The following KLF8 variants were observed in gnomAD, a reference collection of about 807,000 sequenced individuals.
The protein encoded by KLF8 is Krueppel-like factor 8.
A neutral mutation model predicts 18.2 loss-of-function variants in KLF8; 10 were observed. The ratio of observed to expected loss-of-function variants is 0.55; its 90% CI spans 0.34 to 0.93. The LOEUF is 0.93. Among genes scored for constraint, KLF8 ranks in the 40% least tolerant of loss-of-function variants. The pLI, the probability that KLF8 is intolerant of heterozygous loss-of-function variation, is 0.02. For synonymous variants in KLF8, 109 were observed against 97.3 expected (o/e 1.12, Z -0.71); for missense variants, 264 against 277.9 (o/e 0.95, Z 0.36).
chrX:55,915,480 A>G, the KLF8 span, among the ~76,000 whole-genome samples: 4 of 112,029 alleles, frequency 3.6e-5, no homozygotes, highest in Non-Finnish European at 7.5e-5. Flanking sequence ...AAAGATAAAA[A>G]TAGATGAAAG....
chrX:56,178,651 A>G, the KLF8 span, among the ~76,000 whole-genome samples: 1 of 112,027 alleles, frequency 8.9e-6, no homozygotes, highest in Non-Finnish European at 1.9e-5. Context: ...ATCTTGAATT[A>G]ATTTTTGTAT....
the KLF8 span, among the ~76,000 whole-genome samples, chrX:56,093,903 ATATGTG>A: frequency 1.5e-4 from 12 of 77,756 alleles, no homozygotes; most frequent in South Asian, 6.1e-4. Context: ...CGTATATATT[ATATGTG>A]TGTGTGTGTG....
the KLF8 span, among the ~76,000 whole-genome samples, chrX:56,080,146 C>T: frequency 5.4e-5 from 6 of 110,287 alleles, no homozygotes; most frequent in African/African-American, 2.0e-4. Context: ...TAGTCCATTT[C>T]CATTTAAAGT....
At chrX:56,222,332 C>T in the KLF8 span, among the ~76,000 whole-genome samples, 1 of 110,444 alleles carries the variant, frequency 9.1e-6, no homozygotes, top group African/African-American at 3.3e-5. Context: ...CTTATCTAGA[C>T]ATAAAGATTC....
chrX:56,097,841 A>G, the KLF8 span, among the ~76,000 whole-genome samples: 10 of 108,652 alleles, frequency 9.2e-5, no homozygotes, highest in Non-Finnish European at 1.5e-4. Context: ...CCTACAGTTA[A>G]CATCATACAT....
At chrX:56,191,451 T>C in the KLF8 span, among the ~76,000 whole-genome samples, 1 of 111,842 alleles carries the variant, frequency 8.9e-6, no homozygotes, top group East Asian at 2.8e-4. Flanking sequence ...ACTTCCAAAC[T>C]TATTCCATGA....
the KLF8 span, among the ~76,000 whole-genome samples, chrX:56,154,264 C>A: frequency 9.1e-6 from 1 of 109,667 alleles, no homozygotes; most frequent in Non-Finnish European, 1.9e-5. Context: ...AGATATAGAC[C>A]AATGGAACAG....
At chrX:56,039,946 T>A in the KLF8 span, among the ~76,000 whole-genome samples, 2 of 111,703 alleles carry the variant, frequency 1.8e-5, no homozygotes, top group Non-Finnish European at 3.8e-5. Flanking sequence ...TTCACTTTTC[T>A]TGTTAGCTCT....
the KLF8 span, among the ~76,000 whole-genome samples, chrX:56,148,550 G>T: frequency 2.6e-4 from 29 of 111,982 alleles, no homozygotes; most frequent in African/African-American, 9.1e-4. Context: ...TAAGAAATGT[G>T]TATTAGTCTG....
intron 2 of KLF8, among the ~76,000 whole-genome samples, chrX:56,252,763 G>A (rs1435817856): frequency 5.4e-5 from 6 of 112,135 alleles, no homozygotes; most frequent in Non-Finnish European, 1.1e-4. Flanking sequence ...GGATCATATA[G>A]TAGCTCAATT....
chrX:56,123,155 A>C, the KLF8 span, among the ~76,000 whole-genome samples: 1 of 109,989 alleles, frequency 9.1e-6, no homozygotes, highest in African/African-American at 3.3e-5. Flanking sequence ...CTTCCTTTCA[A>C]CATTTTTTCT....
At chrX:56,154,011 T>A in the KLF8 span, among the ~76,000 whole-genome samples, 1 of 111,237 alleles carries the variant, frequency 9.0e-6, no homozygotes, top group Non-Finnish European at 1.9e-5. Context: ...CTGCCCAAGG[T>A]AATCTATAGA....
At chrX:56,194,710 C>T in the KLF8 span, among the ~76,000 whole-genome samples, 4 of 112,160 alleles carry the variant, frequency 3.6e-5, no homozygotes, top group East Asian at 1.1e-3. Flanking sequence ...CAGTGGTTCT[C>T]CAAGCATGGT....
the KLF8 span, among the ~76,000 whole-genome samples, chrX:56,166,397 C>A: frequency 8.9e-6 from 1 of 111,733 alleles, no homozygotes; most frequent in African/African-American, 3.2e-5. Context: ...TTGACCATTG[C>A]TCTTGCACCA....
the KLF8 span, among the ~76,000 whole-genome samples, chrX:56,192,766 A>C: frequency 9.8e-5 from 11 of 112,804 alleles, no homozygotes; most frequent in African/African-American, 3.5e-4. Flanking sequence ...CATATGCAAA[A>C]GCATGAAACC....
At chrX:55,990,382 G>T in the KLF8 span, among the ~76,000 whole-genome samples, 1 of 112,245 alleles carries the variant, frequency 8.9e-6, no homozygotes, top group East Asian at 2.8e-4. Flanking sequence ...ATGTGTCCCT[G>T]AGATTCTGGT....
the KLF8 span, among the ~76,000 whole-genome samples, chrX:56,216,921 C>T: frequency 3.6e-5 from 4 of 111,341 alleles, no homozygotes; most frequent in Non-Finnish European, 7.5e-5. Context: ...CCCTTGCTAG[C>T]TTTTATTCAA....
the KLF8 span, among the ~76,000 whole-genome samples, chrX:56,173,054 G>T: frequency 9.1e-6 from 1 of 109,679 alleles, no homozygotes; most frequent in Admixed American, 9.6e-5. Context: ...TAGGTTGCCT[G>T]TTCACTCTGA....
the KLF8 span, among the ~76,000 whole-genome samples, chrX:56,082,514 T>A: frequency 9.0e-6 from 1 of 110,905 alleles, no homozygotes; most frequent in African/African-American, 3.3e-5. Context: ...TTAGTCTTTT[T>A]TTTTTTTCTA....
Sources: allele counts gnomAD v4.1 joint callset (sites outside exome capture counted in the v4.1 genomes callset), GRCh38; gene constraint gnomAD v4.1.1; transcripts MANE v1.5; gene names NCBI Gene and HGNC (gene_info 2026-07-23, HGNC 2026-07-21).